PIGR: variants seen among roughly 807,000 people sequenced by gnomAD.
The protein encoded by PIGR is hepatocellular carcinoma associated protein TB6.
PIGR carries 22 observed loss-of-function variants against 69.5 expected under a neutral mutation model. The ratio of observed to expected loss-of-function variants is 0.32; its 90% confidence interval spans 0.23 to 0.45. PIGR has a LOEUF of 0.45. Ranked by LOEUF, PIGR falls within the 20% of genes least tolerant of loss-of-function variation. PIGR has a pLI of 1.00. For synonymous variants in PIGR, 413 were observed against 407.6 expected (o/e 1.01, Z -0.16); for missense variants, 885 against 974.0 (o/e 0.91, Z 1.22).
intron 10 of PIGR, 101 bp downstream of exon 10, chr1:206,931,396 G>A (rs2102596292): frequency 6.2e-7 from 1 of 1,609,838 alleles, no homozygotes; most frequent in Non-Finnish European, 8.5e-7. Flanking sequence ...CCCTATTCTG[G>A]GATCGGCCCC....
rs201955354 is a variant in PIGR, at chr1:206,937,565, C to T, written c.575G>A (p.Arg192His). ...YVNPNYTGRI[R>H]LDIQGTGQLL... ...CTGGCCAGTACCCTGAATATCAAGG[C>T]GTATTCTTCCTGTATAGTTGGGATT... The change falls in exon 4 of 11, where the codon CGC (arginine) becomes CAC (histidine). Residue 192 changes from arginine (R) to histidine (H), a missense_variant. Transcript: ENST00000356495. The T allele has an allele frequency of 2.4e-5, 39 of 1,614,024 alleles. No homozygotes were observed. Among genetic ancestry groups the T allele is most frequent in the Admixed American group, 3.3e-5 (2 of 59,996 alleles).
rs1679963153 is a variant in PIGR, at chr1:206,940,604, A to G, written c.-53-20T>C. On this transcript the variant is annotated intron_variant, in intron 1 of 10. Transcript: ENST00000356495. ...GCAATGCTGAAAAACAATAATCACA[A>G]GGAGATGAAGCGCCCCTTGTCTTCC... 7.0e-7 allele frequency: 1 copy of G among 1,420,244 alleles called. No individual in the cohort carries two copies. Among genetic ancestry groups the G allele is most frequent in the African/African-American group, 1.4e-5 (1 of 69,702 alleles). The allele number at this position is 1,420,244 out of a possible 1,614,324, so 88.0% of individuals were successfully genotyped here. A position where few individuals can be genotyped will look rare whatever the true frequency, so the allele number is the denominator to read the frequency against.
chr1:206,945,543 C>T (rs897821875), intron 1 of PIGR, among the ~76,000 whole-genome samples: 7 of 152,162 alleles, frequency 4.6e-5, no homozygotes, highest in Non-Finnish European at 2.9e-5. Flanking sequence ...ACTCAGTGAT[C>T]CCGTGAGGAC....
At chr1:206,931,441 A>C in intron 10 of PIGR, 56 bp downstream of exon 10, 2 of 1,613,628 alleles carry the variant, frequency 1.2e-6, no homozygotes, top group South Asian at 2.2e-5. Flanking sequence ...GTCTAACTGC[A>C]TCCCCTCATG....
chr1:206,935,927 T>C lies in PIGR; in HGVS notation c.1046-109A>G, dbSNP rs1006175968. 49 of 731,694 alleles carry C rather than the reference T, an allele frequency of 6.7e-5. No individual in the cohort carries two copies. Among genetic ancestry groups the C allele is most frequent in the Non-Finnish European group, 2.3e-5 (10 of 437,304 alleles). 45.3% of individuals were successfully genotyped at this position (731,694 alleles called of 1,614,324 possible). On this transcript the variant is annotated intron_variant, in intron 4 of 10. Coordinates refer to ENST00000356495, the MANE Select transcript of PIGR (RefSeq NM_002644.4). The surrounding 1 kb of genome is among the most constrained non-coding windows in gnomAD (Gnocchi z 4.4). ...CTCAGCCAGGATGGGGAGTGAAGTT[T>C]ACACGCATCACCTTACCCTCTTCAG...
At chr1:206,938,542 A>G (rs960522488) in intron 3 of PIGR, among the ~76,000 whole-genome samples, 1 of 152,230 alleles carries the variant, frequency 6.6e-6, no homozygotes, top group Non-Finnish European at 1.5e-5. Flanking sequence ...CTTGTCAGAA[A>G]GAGCTTTTCT....
intron 1 of PIGR, among the ~76,000 whole-genome samples, chr1:206,940,805 A>G (rs994405490): frequency 2.6e-5 from 4 of 152,200 alleles, no homozygotes; most frequent in Non-Finnish European, 5.9e-5. Context: ...TGTCTTCTCA[A>G]CTAAGCTGCA....
intron 2 of PIGR, among the ~76,000 whole-genome samples, chr1:206,940,264 C>A (rs549653738): frequency 6.6e-6 from 1 of 152,256 alleles, no homozygotes; most frequent in East Asian, 1.9e-4. Flanking sequence ...TTTCACAGAC[C>A]CCTGGCCTTG....
rs1020464007 is a variant in PIGR, at chr1:206,937,594, A to G, written c.546T>C (p.Tyr182=). 1 of 1,614,102 alleles carries G rather than the reference A, an allele frequency of 6.2e-7. No individual in the cohort carries two copies. The highest frequency in any genetic ancestry group is 1.1e-5 in the South Asian group (1 of 91,062). ...TTCTTCCTGTATAGTTGGGATTTACATAACCACTGGAGTCGATGACCAGCA... is the reference window on the plus strand; with the variant it reads ...TTCTTCCTGTATAGTTGGGATTTACGTAACCACTGGAGTCGATGACCAGCA... ...YPVLVIDSSG[Y]VNPNYTGRIR... is the part of the protein sequence containing the mutation. Residue 182 remains tyrosine, a synonymous_variant, in exon 4 of 11, where the codon TAT becomes TAC. Transcript: ENST00000356495.
At position 206,940,536 on chromosome 1, in the gene PIGR, G is replaced by T. The variant is rs1331756085; in HGVS notation, c.-5C>A. On this transcript the variant is annotated 5_prime_UTR_variant, in exon 2 of 11. Transcript: ENST00000356495. ...GGTGAGCACGAAGAGCAGCATTGCT[G>T]GTGGGTCCCGAGCGCCGCACCACTC... The T allele has an allele frequency of 1.3e-6, 2 of 1,551,294 alleles. No homozygotes were observed. Among genetic ancestry groups the T allele is most frequent in the South Asian group, 2.4e-5 (2 of 83,980 alleles).
rs757374828 is a variant in PIGR, at chr1:206,934,549, G to T, written c.1576C>A (p.Leu526Ile). ...ACCAGGTTCAGGGTCAGGGAGACAA[G>T]CCGGCTGTTCTCGTCACAGTTCACG... ...AFVNCDENSR[L>I]VSLTLNLVTR... The change falls in exon 6 of 11, where the codon CTT becomes ATT. Residue 526 changes from leucine to isoleucine, a missense_variant. Transcript: ENST00000356495. The T allele has an allele frequency of 1.2e-6, 2 of 1,614,260 alleles. No homozygotes were observed. The highest frequency in any genetic ancestry group is 1.7e-6 in the Non-Finnish European group (2 of 1,180,044).
intron 6 of PIGR, 148 bp downstream of exon 6, chr1:206,934,272 A>T (rs1403712701): frequency 3.1e-6 from 2 of 642,244 alleles, no homozygotes; most frequent in Non-Finnish European, 5.3e-6. Flanking sequence ...TATAGGACCT[A>T]AATGTCCCCT....
chr1:206,937,513 T>C lies in PIGR; in HGVS notation c.627A>G (p.Gln209=). The change falls in exon 4 of 11, where the codon CAA becomes CAG. Residue 209 remains glutamine, a synonymous_variant. Transcript: ENST00000356495. The part of the protein sequence containing the change: ...GQLLFSVVIN[Q]LRLSDAGQYL... ...ACTGCCCAGCATCGCTGAGCCTGAG[T>C]TGGTTGATGACAACGCTGAACAGTA... is the stretch of plus-strand genomic sequence containing the variant. The C allele has an allele frequency of 5.6e-6, 9 of 1,614,136 alleles. No homozygotes were observed. Among genetic ancestry groups the C allele is most frequent in the African/African-American group, 2.7e-5 (2 of 75,020 alleles).
At position 206,930,988 on chromosome 1, in the gene PIGR, TGGCACC is replaced by T. The variant is rs1679728635; in HGVS notation, c.2199+503_2199+508del. ...TAGGGCAGATTGAGGGGATGGTATA[TGGCACC>T]CAAGGCAGGAGTTGCCTCTGGTGGG... On this transcript the variant is annotated intron_variant, in intron 10 of 10. Coordinates refer to ENST00000356495, the MANE Select transcript of PIGR (RefSeq NM_002644.4). This position sits in a 1 kb window ranked among gnomAD's most constrained non-coding sequence, Gnocchi z 4.3. 1 of 985,426 alleles carries T rather than the reference TGGCACC, an allele frequency of 1.0e-6. No homozygotes were observed. The highest frequency in any genetic ancestry group is 1.2e-6 in the Non-Finnish European group (1 of 829,916). The allele number at this position is 985,426 out of a possible 1,614,324, so 61.0% of individuals were successfully genotyped here.
rs539857566 is a variant in PIGR, at chr1:206,937,578, T to A, written c.562A>T (p.Thr188Ser). The change falls in exon 4 of 11, where the codon ACA becomes TCA. Residue 188 changes from threonine (T) to serine (S), a missense_variant. Thr to Ser is a moderately conservative substitution (Grantham distance 58). Coordinates refer to ENST00000356495, the MANE Select transcript of PIGR (RefSeq NM_002644.4). ...TGAATATCAAGGCGTATTCTTCCTG[T>A]ATAGTTGGGATTTACATAACCACTG... ...DSSGYVNPNY[T>S]GRIRLDIQGT... is the part of the protein sequence containing the mutation. 6.2e-7 allele frequency: 1 copy of A among 1,614,134 alleles called. No individual in the cohort carries two copies. The highest frequency in any genetic ancestry group is 1.7e-5 in the Admixed American group (1 of 60,016).
In PIGR at chr1:206,934,723, C is replaced by T. The variant is rs1406130782; in HGVS notation, c.1402G>A (p.Gly468Arg). The T allele has an allele frequency of 6.2e-7, 1 of 1,608,282 alleles. No individual in the cohort carries two copies. Among genetic ancestry groups the T allele is most frequent in the Admixed American group, 1.7e-5 (1 of 60,004 alleles). ...TCTCCCAGCACAGCCGTGACATTCC[C>T]TGGTACCTTGAGGTTTGGTTCTCCT... is the stretch of plus-strand genomic sequence containing the variant. ...IEGEPNLKVP[G>R]NVTAVLGETL... The change falls in exon 6 of 11, where the codon GGG (glycine) becomes AGG (arginine). Residue 468 changes from glycine (G) to arginine (R), a missense_variant. By Grantham distance (125) the Gly-to-Arg change is moderately radical (BLOSUM62 -2). Coordinates refer to ENST00000356495, the MANE Select transcript of PIGR (RefSeq NM_002644.4).
At position 206,937,627 on chromosome 1, in the gene PIGR, CAGGCCT is replaced by C; in HGVS notation, c.507_512del (p.Ile169_Leu171delinsMet). On this transcript the variant is annotated inframe_deletion, in exon 4 of 11. Coordinates refer to ENST00000356495, the MANE Select transcript of PIGR (RefSeq NM_002644.4). ...TGGAGTCGATGACCAGCACAGGGTA[CAGGCCT>C]ATCTGCTTGTACAAGGACTTCCTCT... is the stretch of plus-strand genomic sequence containing the variant. 1 of 1,613,796 alleles carries C rather than the reference CAGGCCT, an allele frequency of 6.2e-7. No homozygotes were observed. Among genetic ancestry groups the C allele is most frequent in the Non-Finnish European group, 8.5e-7 (1 of 1,179,844 alleles).
intron 3 of PIGR, among the ~76,000 whole-genome samples, chr1:206,938,008 G>A (rs1679901518): frequency 6.6e-6 from 1 of 152,230 alleles, no homozygotes. Context: ...CCAATCTGGT[G>A]TATGGGTAAT....
Position 206,930,649 on chromosome 1 carries a change from A to G in PIGR, c.2200-236T>C, listed in dbSNP as rs1209113781. 7.1e-6 allele frequency: 7 copies of G among 985,180 alleles called. No individual in the cohort carries two copies. The highest frequency in any genetic ancestry group is 8.4e-6 in the Non-Finnish European group (7 of 829,924). The allele number at this position is 985,180 out of a possible 1,614,324, so 61.0% of individuals were successfully genotyped here. ...CTGTCTCACTACCTCCTTCTGACAC[A>G]CGGAGTGGAACCGCCTCTGTTGCCC... On this transcript the variant is annotated intron_variant, in intron 10 of 10. Transcript: ENST00000356495. This position sits in a 1 kb window ranked among gnomAD's most constrained non-coding sequence, Gnocchi z 4.3.
Sources: gnomAD v4.1 joint callset for allele counts (sites outside exome capture counted in the v4.1 genomes callset) on GRCh38, gnomAD v4.1.1 for gene constraint, Gnocchi (gnomAD v3.1) non-coding constraint, MANE v1.5 for transcripts, NCBI Gene and HGNC (gene_info 2026-07-23, HGNC 2026-07-21) for gene names.